The following APBA1 variants were observed in gnomAD, a reference collection of about 807,000 sequenced individuals.
APBA1 encodes the protein amyloid-beta A4 precursor protein-binding family A member 1.
APBA1 carries 55 observed loss-of-function variants against 86.6 expected under a neutral mutation model. The ratio of observed to expected loss-of-function variants is 0.64; its 90% CI spans 0.51 to 0.80. The LOEUF is 0.80. Ranked by LOEUF, APBA1 falls within the 30% of genes least tolerant of loss-of-function variation. The pLI, the probability that APBA1 is intolerant of heterozygous loss-of-function variation, is 0.00. For missense variants in APBA1, 1,090 were observed against 1,183.0 expected, an observed-to-expected ratio of 0.92 and a Z score of 1.15; for synonymous variants, 511 against 493.9, an observed-to-expected ratio of 1.03 and a Z score of -0.46.
chr9:69,429,449 G>C lies in APBA1; in HGVS notation c.*1878C>G, dbSNP rs190172453. On this transcript the variant is annotated 3_prime_UTR_variant, in exon 13 of 13. Coordinates refer to ENST00000265381, the MANE Select transcript of APBA1 (RefSeq NM_001163.4). ...ATCCCAGAGCCCCTGGCCCCACCGG[G>C]TGCCACTCTCTGCAGCAGCAGAAGT... The C allele has an allele frequency of 6.6e-6, 1 of 152,250 alleles. No individual in the cohort carries two copies. Among genetic ancestry groups the C allele is most frequent in the Non-Finnish European group, 1.5e-5 (1 of 68,064 alleles). The allele number at this position is 152,250 out of a possible 1,614,324, so 9.4% of individuals were successfully genotyped here. A position where few individuals can be genotyped will look rare whatever the true frequency, so the allele number is the denominator to read the frequency against.
chr9:69,559,937 C>T (rs1263504296), intron 1 of APBA1, among the ~76,000 whole-genome samples: 1 of 152,180 alleles, frequency 6.6e-6, no homozygotes, highest in Non-Finnish European at 1.5e-5. Flanking sequence ...ATCTGCATCA[C>T]TAGAGTAGTT....
At chr9:69,443,497 T>C (rs568598952) in intron 10 of APBA1, among the ~76,000 whole-genome samples, 1 of 152,316 alleles carries the variant, frequency 6.6e-6, no homozygotes, top group Non-Finnish European at 1.5e-5. Flanking sequence ...AGCTGACCCC[T>C]GTTCAGCCAT....
chr9:69,546,314 G>C (rs943829715), intron 1 of APBA1, among the ~76,000 whole-genome samples: 1 of 152,224 alleles, frequency 6.6e-6, no homozygotes, highest in African/African-American at 2.4e-5. Context: ...GTCTACTTCA[G>C]TGCTGGGGAA....
chr9:69,566,991 T>A (rs1437097526), intron 1 of APBA1, among the ~76,000 whole-genome samples: 4 of 152,186 alleles, frequency 2.6e-5, no homozygotes, highest in Non-Finnish European at 5.9e-5. Flanking sequence ...ACCAATTAGA[T>A]GTGCAACAAA....
intron 1 of APBA1, among the ~76,000 whole-genome samples, chr9:69,643,238 A>G (rs1823324262): frequency 1.3e-5 from 2 of 152,128 alleles, no homozygotes; most frequent in African/African-American, 4.8e-5. Flanking sequence ...TGTCTACACA[A>G]GCTCCCCATG....
Position 69,437,115 on chromosome 9 carries a change from C to A in APBA1, c.2301+3881G>T, listed in dbSNP as rs1005174714. Among the ~76,000 whole-genome samples, 3 of 151,850 alleles carry A rather than the reference C, an allele frequency of 2.0e-5. 1 individual carries two copies. Among genetic ancestry groups the A allele is most frequent in the African/African-American group, 4.9e-5 (2 of 41,154 alleles). On this transcript the variant is annotated intron_variant, in intron 11 of 12. Transcript: ENST00000265381. ...TGTATGTTGAACCAGCCTTGCATCC[C>A]AGGGATGAAGCCCACTTGATCATGG...
Position 69,575,287 on chromosome 9 carries a change from T to A in APBA1, c.-69-58008A>T, listed in dbSNP as rs188701499. 4.2e-3 allele frequency among the ~76,000 whole-genome samples: 642 copies of A among 152,254 alleles called. 5 individuals carry two copies. Among genetic ancestry groups the A allele is most frequent in the Non-Finnish European group, 4.9e-3 (330 of 68,014 alleles). On this transcript the variant is annotated intron_variant, in intron 1 of 12. Transcript: ENST00000265381. ...GTGAAAATGGCCATACTGCCCAAGG[T>A]AATTTATAGATTCAATGCCATCCCC...
In APBA1 at chr9:69,431,326, G is replaced by A. The variant is rs1230628738; in HGVS notation, c.*1C>T. On this transcript the variant is annotated 3_prime_UTR_variant, in exon 13 of 13. Coordinates refer to ENST00000265381, the MANE Select transcript of APBA1 (RefSeq NM_001163.4). Reference sequence around the variant, plus strand: ...ATGCATGCCACCGCGTGTGGCCGCGGTCAGATGTAAACAGGCTGCTCCTGG... The same window carrying A: ...ATGCATGCCACCGCGTGTGGCCGCGATCAGATGTAAACAGGCTGCTCCTGG... The A allele has an allele frequency of 1.9e-6, 3 of 1,603,878 alleles. No individual in the cohort carries two copies. The highest frequency in any genetic ancestry group is 2.3e-5 in the East Asian group (1 of 44,184).
At chr9:69,475,175 A>G (rs1384778434) in intron 3 of APBA1, among the ~76,000 whole-genome samples, 1 of 152,218 alleles carries the variant, frequency 6.6e-6, no homozygotes, top group Non-Finnish European at 1.5e-5. Context: ...TCTCAGACCC[A>G]GACACCTCAA....
chr9:69,622,556 C>T lies in APBA1; in HGVS notation c.-70+49597G>A, dbSNP rs527425581. On this transcript the variant is annotated intron_variant, in intron 1 of 12. Transcript: ENST00000265381. Reference sequence around the variant, plus strand: ...TTTTATACCTTTTTATTCCAAGTGGCTTTTTAATAGAGACCAAGTCATAAG... The same window carrying T: ...TTTTATACCTTTTTATTCCAAGTGGTTTTTTAATAGAGACCAAGTCATAAG... Among the ~76,000 whole-genome samples, 3 of 145,336 alleles carry T rather than the reference C, an allele frequency of 2.1e-5. No individual in the cohort carries two copies. In the South Asian group the frequency reaches 6.9e-4, roughly 33 times the overall value.
chr9:69,494,857 G>A (rs1396186255), intron 2 of APBA1, among the ~76,000 whole-genome samples: 1 of 152,136 alleles, frequency 6.6e-6, no homozygotes, highest in Admixed American at 6.5e-5. Flanking sequence ...GGCTTACTAT[G>A]TGTGTCAGGC....
chr9:69,458,136 T>A lies in APBA1; in HGVS notation c.1515+20A>T. On this transcript the variant is annotated intron_variant, in intron 6 of 12. Coordinates refer to ENST00000265381, the MANE Select transcript of APBA1 (RefSeq NM_001163.4). ...AAGAACAGGCATAACACCAAGCTGA[T>A]GAAGTTGTTTGTACTGCACCTTCTT... 1 of 1,602,290 alleles carries A rather than the reference T, an allele frequency of 6.2e-7. No individual in the cohort carries two copies. The highest frequency in any genetic ancestry group is 1.1e-5 in the South Asian group (1 of 88,214).
At chr9:69,442,311 C>A (rs1834837636) in intron 10 of APBA1, among the ~76,000 whole-genome samples, 1 of 152,184 alleles carries the variant, frequency 6.6e-6, no homozygotes, top group Admixed American at 6.5e-5. Flanking sequence ...TAGCTGCAGG[C>A]CCTGCAGCCC....
chr9:69,639,765 C>CAG (rs1218736954), intron 1 of APBA1, among the ~76,000 whole-genome samples: 1 of 152,082 alleles, frequency 6.6e-6, no homozygotes, highest in Non-Finnish European at 1.5e-5. Flanking sequence ...GTCAAGTAAC[C>CAG]AGAGAGTTGA....
Position 69,558,295 on chromosome 9 carries a change from T to C in APBA1, c.-69-41016A>G, listed in dbSNP as rs78958183. Reference sequence around the variant, plus strand: ...GGAGGAATCTCCATCTTCTAACAGATGTTAAACATTAAATCTGTTAATAAA... The same window carrying C: ...GGAGGAATCTCCATCTTCTAACAGACGTTAAACATTAAATCTGTTAATAAA... On this transcript the variant is annotated intron_variant, in intron 1 of 12. Transcript: ENST00000265381. Among the ~76,000 whole-genome samples, 1,215 of 152,254 alleles carry C rather than the reference T, an allele frequency of 8.0e-3. 14 individuals are homozygous for C. The highest frequency in any genetic ancestry group is 0.028 in the African/African-American group (1,147 of 41,542).
intron 1 of APBA1, among the ~76,000 whole-genome samples, chr9:69,654,024 A>G (rs1428764759): frequency 6.6e-6 from 1 of 150,844 alleles, no homozygotes; most frequent in Non-Finnish European, 1.5e-5. Flanking sequence ...CTGAGGCAGG[A>G]GAAATGCTGG....
intron 1 of APBA1, among the ~76,000 whole-genome samples, chr9:69,589,417 C>G (rs1822084584): frequency 6.6e-6 from 1 of 152,212 alleles, no homozygotes; most frequent in Non-Finnish European, 1.5e-5. Flanking sequence ...TTTCTCTGCT[C>G]TTTCCATGTA....
intron 2 of APBA1, among the ~76,000 whole-genome samples, chr9:69,502,047 T>C (rs1302615672): frequency 6.6e-6 from 1 of 152,118 alleles, no homozygotes; most frequent in Non-Finnish European, 1.5e-5. Flanking sequence ...ACATATATAC[T>C]GTCTGGTGAG....
At chr9:69,629,893 T>G (rs1484408557) in intron 1 of APBA1, among the ~76,000 whole-genome samples, 1 of 152,016 alleles carries the variant, frequency 6.6e-6, no homozygotes, top group Non-Finnish European at 1.5e-5. Flanking sequence ...ATTAGTGAGG[T>G]CCTACTCCCG....
Sources: allele counts gnomAD v4.1 joint callset (sites outside exome capture counted in the v4.1 genomes callset), GRCh38; gene constraint gnomAD v4.1.1; transcripts MANE v1.5; gene names NCBI Gene and HGNC (gene_info 2026-07-23, HGNC 2026-07-21).